Variants in TMEM131L observed in about 807,000 individuals in gnomAD.
The protein encoded by TMEM131L is transmembrane protein 131-like.
TMEM131L carries 54 observed loss-of-function variants against 192.2 expected under a neutral mutation model. The observed-to-expected ratio is 0.28, with a 90% CI of 0.23 to 0.35. The LOEUF (loss-of-function observed/expected upper bound fraction) is 0.35, where lower values mean the gene tolerates loss of function less well. TMEM131L is among the 10% of genes least tolerant of loss of function. The pLI, the probability that TMEM131L is intolerant of heterozygous loss-of-function variation, is 1.00. For missense variants in TMEM131L, 1,888 were observed against 1,972.9 expected (o/e 0.96, Z 0.82); for synonymous variants, 701 against 704.9 (o/e 0.99, Z 0.09).
intron 3 of TMEM131L, among the ~76,000 whole-genome samples, chr4:153,503,456 G>A (rs191857543): frequency 3.9e-5 from 6 of 152,194 alleles, no homozygotes; most frequent in African/African-American, 1.4e-4. Flanking sequence ...ATGAGCTACT[G>A]TTATTTTCAG....
Position 153,555,711 on chromosome 4 carries a change from T to A in TMEM131L, c.309-76T>A. ...GTTTAAAAATCTGTGTGTATATATATAATAATACATATATATGTATGGTAA... is the reference window on the plus strand; with the variant it reads ...GTTTAAAAATCTGTGTGTATATATAAAATAATACATATATATGTATGGTAA... On this transcript the variant is annotated intron_variant, in intron 4 of 34. Transcript: ENST00000409959. This position sits in a 1 kb window ranked among gnomAD's most constrained non-coding sequence, Gnocchi z 4.1. 1 of 1,279,076 alleles carries A rather than the reference T, an allele frequency of 7.8e-7. No individual in the cohort carries two copies. The highest frequency in any genetic ancestry group is 1.1e-6 in the Non-Finnish European group (1 of 933,938). The allele number at this position is 1,279,076 out of a possible 1,614,324, so 79.2% of individuals were successfully genotyped here. A position where few individuals can be genotyped will look rare whatever the true frequency, so the allele number is the denominator to read the frequency against.
intron 34 of TMEM131L, 38 bp downstream of exon 34, chr4:153,635,609 A>T (rs1454422902): frequency 5.6e-6 from 9 of 1,608,494 alleles, no homozygotes; most frequent in Non-Finnish European, 6.8e-6. Flanking sequence ...ACCCCTGGGC[A>T]GCTCTGAATT....
chr4:153,581,957 G>A (rs574549197), intron 9 of TMEM131L, among the ~76,000 whole-genome samples: 37 of 152,252 alleles, frequency 2.4e-4, no homozygotes, highest in Non-Finnish European at 5.1e-4. Context: ...AATAGGTTGC[G>A]GTTGTTCCTG....
At chr4:153,513,669 A>G (rs571665954) in intron 3 of TMEM131L, among the ~76,000 whole-genome samples, 1 of 152,318 alleles carries the variant, frequency 6.6e-6, no homozygotes, top group South Asian at 2.1e-4. Context: ...TCTGGTCTGT[A>G]GCCAGTGTCT....
At chr4:153,614,020 A>G (rs1732804018) in intron 26 of TMEM131L, among the ~76,000 whole-genome samples, 1 of 152,214 alleles carries the variant, frequency 6.6e-6, no homozygotes, top group African/African-American at 2.4e-5. Context: ...AGAGATTGAA[A>G]AGTCTGTGTA....
At chr4:153,556,127 G>C (rs183713672) in intron 5 of TMEM131L, among the ~76,000 whole-genome samples, 1 of 150,682 alleles carries the variant, frequency 6.6e-6, no homozygotes, top group Non-Finnish European at 1.5e-5. Context: ...GGGGGGAGGT[G>C]GGGGGTTGGG....
At chr4:153,613,798 G>T (rs1434012273) in intron 26 of TMEM131L, among the ~76,000 whole-genome samples, 4 of 152,100 alleles carry the variant, frequency 2.6e-5, no homozygotes, top group African/African-American at 4.8e-5. Flanking sequence ...ATTTCTGAGT[G>T]GTGGGATTTT....
intron 3 of TMEM131L, among the ~76,000 whole-genome samples, chr4:153,499,588 G>A (rs7685168): frequency 0.041 from 6,263 of 152,028 alleles, 173 homozygotes; most frequent in Admixed American, 0.071. Flanking sequence ...CACCATGCCC[G>A]GCTAATTTTT....
intron 3 of TMEM131L, among the ~76,000 whole-genome samples, chr4:153,496,297 G>T (rs1196395370): frequency 6.6e-6 from 1 of 152,176 alleles, no homozygotes; most frequent in Non-Finnish European, 1.5e-5. Context: ...AGAATTTTCT[G>T]TAGAAGCCTG....
chr4:153,636,660 A>G lies in TMEM131L; in HGVS notation c.*84A>G. The G allele has an allele frequency of 7.4e-7, 1 of 1,353,576 alleles. No individual in the cohort carries two copies. The highest frequency in any genetic ancestry group is 1.0e-6 in the Non-Finnish European group (1 of 989,102). 83.8% of individuals were successfully genotyped at this position (1,353,576 alleles called of 1,614,324 possible). A position where few individuals can be genotyped will look rare whatever the true frequency, so the allele number is the denominator to read the frequency against. On this transcript the variant is annotated 3_prime_UTR_variant, in exon 35 of 35. Transcript: ENST00000409959. Reference sequence around the variant, plus strand: ...AAACTGGTTATTGAGATAGATTATGACATTGGTGGATATTTTGGCACTTTT... The same window carrying G: ...AAACTGGTTATTGAGATAGATTATGGCATTGGTGGATATTTTGGCACTTTT...
intron 7 of TMEM131L, among the ~76,000 whole-genome samples, chr4:153,568,343 G>A (rs113879988): frequency 1.9e-4 from 29 of 152,250 alleles, no homozygotes; most frequent in African/African-American, 6.5e-4. Context: ...CTTCCTCCTT[G>A]TTTGTGCTTT....
At chr4:153,505,654 G>A (rs1427067126) in intron 3 of TMEM131L, among the ~76,000 whole-genome samples, 1 of 152,132 alleles carries the variant, frequency 6.6e-6, no homozygotes, top group African/African-American at 2.4e-5. Context: ...GTGTTTAGAG[G>A]TAAGTTCAAA....
chr4:153,552,526 A>G lies in TMEM131L; in HGVS notation c.308+2385A>G, dbSNP rs554520584. On this transcript the variant is annotated intron_variant, in intron 4 of 34. Transcript: ENST00000409959. ...GCATAGTATTTACACACAACCTCCCATATACTTTAGATTATCTCTAGAGGC... is the reference window on the plus strand; with the variant it reads ...GCATAGTATTTACACACAACCTCCCGTATACTTTAGATTATCTCTAGAGGC... Among the ~76,000 whole-genome samples the G allele has an allele frequency of 8.5e-5, 13 of 152,188 alleles. No individual in the cohort carries two copies. The South Asian group carries it at 2.5e-3, about 29-fold the overall frequency.
At position 153,557,165 on chromosome 4, in the gene TMEM131L, T is replaced by G. The variant is rs538298728; in HGVS notation, c.549+83T>G. The G allele has an allele frequency of 4.0e-5, 28 of 694,126 alleles. No homozygotes were observed. The South Asian group carries it at 4.1e-4, about 10-fold the overall frequency. 43.0% of individuals were successfully genotyped at this position (694,126 alleles called of 1,614,324 possible). On this transcript the variant is annotated intron_variant, in intron 6 of 34. Transcript: ENST00000409959. ...GTGTGTATATTTTTAAAAAGACTTT[T>G]GGAAATGTTGTCACCTGGTTTATGT...
chr4:153,491,906 A>G (rs952481364), intron 3 of TMEM131L, among the ~76,000 whole-genome samples: 3 of 152,064 alleles, frequency 2.0e-5, no homozygotes, highest in African/African-American at 7.2e-5. Context: ...ACAAGGTTTC[A>G]TGTTTCCCAG....
chr4:153,583,154 A>C, intron 9 of TMEM131L, 36 bp from the exon 10 acceptor site: 1 of 1,037,376 alleles, frequency 9.6e-7, no homozygotes, highest in Non-Finnish European at 1.5e-6. Flanking sequence ...TCTCTGATTA[A>C]ATACTCTGCT....
chr4:153,533,264 C>T (rs548732146), intron 3 of TMEM131L, among the ~76,000 whole-genome samples: 3 of 152,276 alleles, frequency 2.0e-5, no homozygotes, highest in South Asian at 2.1e-4. Context: ...GGATTACAGG[C>T]GTAAGCTACC....
chr4:153,516,839 C>A (rs1394228989), intron 3 of TMEM131L, among the ~76,000 whole-genome samples: 2 of 151,936 alleles, frequency 1.3e-5, no homozygotes, highest in South Asian at 2.1e-4. Flanking sequence ...TATTATTATT[C>A]TTTTGAGACG....
Position 153,587,826 on chromosome 4 carries a change from C to T in TMEM131L, c.1552+15C>T. ...ATCAAAAGCAGGTAAGTATTTTGCC[C>T]TTAGGCTTTCTGTAGATCTCTAGTT... On this transcript the variant is annotated intron_variant, in intron 15 of 34. Transcript: ENST00000409959. 1.3e-6 allele frequency: 2 copies of T among 1,585,274 alleles called. No homozygotes were observed. The highest frequency in any genetic ancestry group is 2.2e-5 in the South Asian group (2 of 90,502).
Sources: gnomAD v4.1 joint callset for allele counts (sites outside exome capture counted in the v4.1 genomes callset) on GRCh38, gnomAD v4.1.1 for gene constraint, Gnocchi (gnomAD v3.1) non-coding constraint, MANE v1.5 for transcripts, NCBI Gene and HGNC (gene_info 2026-07-23, HGNC 2026-07-21) for gene names.